The following PIGL variants were observed in gnomAD, a reference collection of about 807,000 sequenced individuals.
PIGL encodes phosphatidylinositol glycan anchor biosynthesis class L, also known as N-acetylglucosaminyl-phosphatidylinositol de-N-acetylase.
In PIGL, 22 loss-of-function variants were observed where a neutral mutation model predicts 31.1. That is an observed-to-expected ratio of 0.71 (90% confidence interval 0.51 to 1.01). The LOEUF is 1.01. PIGL is among the 50% of genes least tolerant of loss of function. The pLI is 0.00. For synonymous variants in PIGL, 131 were observed against 117.4 expected, an observed-to-expected ratio of 1.12 and a Z score of -0.75; for missense variants, 302 against 315.9, an observed-to-expected ratio of 0.96 and a Z score of 0.33.
intron 1 of PIGL, among the ~76,000 whole-genome samples, chr17:16,218,483 A>G (rs921516015): frequency 2.0e-5 from 3 of 152,174 alleles, no homozygotes; most frequent in African/African-American, 7.2e-5. Flanking sequence ...AGCCTGTTAA[A>G]TGGCTTCATC....
In PIGL at chr17:16,286,521, G is replaced by A. The variant is rs147281876; in HGVS notation, c.336-13367G>A. 4.2e-3 allele frequency among the ~76,000 whole-genome samples: 645 copies of A among 152,312 alleles called. 7 individuals carry two copies. The highest frequency in any genetic ancestry group is 0.014 in the African/African-American group (602 of 41,572). On this transcript the variant is annotated intron_variant, in intron 2 of 6. Transcript: ENST00000225609. Reference sequence around the variant, plus strand: ...GAATGTGTAGGAAAGGTCACTGTTTGAGGATATTCAGCCAGTGGGGGAAAA... The same window carrying A: ...GAATGTGTAGGAAAGGTCACTGTTTAAGGATATTCAGCCAGTGGGGGAAAA...
At chr17:16,227,577 TC>T (rs1568778407) in intron 1 of PIGL, among the ~76,000 whole-genome samples, 2 of 124,578 alleles carry the variant, frequency 1.6e-5, no homozygotes, top group African/African-American at 6.4e-5. Context: ...AATTTTCTTT[TC>T]TTTTTTTTTT....
At position 16,308,816 on chromosome 17, in the gene PIGL, C is replaced by T. The variant is rs1023524745; in HGVS notation, c.427-4731C>T. Among the ~76,000 whole-genome samples, 82 of 104,468 alleles carry T rather than the reference C, an allele frequency of 7.8e-4. 2 individuals carry two copies. Among genetic ancestry groups the T allele is most frequent in the African/African-American group, 2.9e-3 (78 of 26,630 alleles). 68.5% of individuals were successfully genotyped at this position (104,468 alleles called of 152,430 possible). A position where few individuals can be genotyped will look rare whatever the true frequency, so the allele number is the denominator to read the frequency against. On this transcript the variant is annotated intron_variant, in intron 3 of 6. Coordinates refer to ENST00000225609, the MANE Select transcript of PIGL (RefSeq NM_004278.4). The stretch of plus-strand genomic sequence containing the variant: ...GCTTTTTTTTTTTTTTTTTTCGAGA[C>T]AAGGTCTCCCTCTGTTGCCCAGGCT...
chr17:16,299,449 G>GA (rs1051338640), intron 2 of PIGL, among the ~76,000 whole-genome samples: 3 of 151,616 alleles, frequency 2.0e-5, no homozygotes, highest in Non-Finnish European at 4.4e-5. Flanking sequence ...ATCTCAAAAA[G>GA]AAAAAAACAA....
chr17:16,306,574 G>C (rs2093027490), intron 3 of PIGL, among the ~76,000 whole-genome samples: 1 of 149,676 alleles, frequency 6.7e-6, no homozygotes, highest in Non-Finnish European at 1.5e-5. Flanking sequence ...TGTTGGCCAG[G>C]ATGGAGTGCA....
At chr17:16,317,569 C>T (rs560290104) in intron 5 of PIGL, 2 of 1,362,096 alleles carry the variant, frequency 1.5e-6, no homozygotes, top group Non-Finnish European at 1.9e-6. Context: ...AGAGGGTAGC[C>T]AGCCAGGTCT....
intron 2 of PIGL, among the ~76,000 whole-genome samples, chr17:16,270,765 C>T (rs573165877): frequency 2.6e-5 from 4 of 151,758 alleles, no homozygotes; most frequent in South Asian, 4.2e-4. Flanking sequence ...GGTGTGGTGG[C>T]GGGCACCTGT....
chr17:16,230,584 C>T (rs1418200515), intron 1 of PIGL, among the ~76,000 whole-genome samples: 1 of 151,762 alleles, frequency 6.6e-6, no homozygotes, highest in Non-Finnish European at 1.5e-5. Flanking sequence ...CCATAACATA[C>T]TTCTCAGTCG....
intron 2 of PIGL, among the ~76,000 whole-genome samples, chr17:16,268,742 G>A (rs937370205): frequency 2.6e-5 from 4 of 151,912 alleles, no homozygotes; most frequent in Non-Finnish European, 2.9e-5. Flanking sequence ...GAGCCACTGC[G>A]CCTGGCGTTT....
chr17:16,236,500 G>T (rs546313736), intron 2 of PIGL, among the ~76,000 whole-genome samples: 2 of 152,164 alleles, frequency 1.3e-5, no homozygotes, highest in Non-Finnish European at 2.9e-5. Flanking sequence ...AAGAGCCTTT[G>T]TTTGTCTTAG....
At chr17:16,224,333 C>T (rs915221360) in intron 1 of PIGL, among the ~76,000 whole-genome samples, 6 of 151,662 alleles carry the variant, frequency 4.0e-5, no homozygotes, top group South Asian at 2.1e-4. Context: ...TTCCAAATAC[C>T]TTTTTTATGG....
chr17:16,279,408 G>A (rs2092908012), intron 2 of PIGL, among the ~76,000 whole-genome samples: 1 of 152,224 alleles, frequency 6.6e-6, no homozygotes, highest in South Asian at 2.1e-4. Flanking sequence ...GGCATCAAAG[G>A]ACTGTGACTT....
At chr17:16,229,858 A>ATGTTTTT (rs2092670701) in intron 1 of PIGL, among the ~76,000 whole-genome samples, 1 of 97,700 alleles carries the variant, frequency 1.0e-5, no homozygotes, top group Non-Finnish European at 1.8e-5. Context: ...TAAAGTCATG[A>ATGTTTTT]TTTTTTTTTT....
intron 3 of PIGL, among the ~76,000 whole-genome samples, chr17:16,308,730 C>T (rs1051813404): frequency 1.2e-4 from 18 of 150,878 alleles, no homozygotes; most frequent in African/African-American, 4.4e-4. Context: ...AAAAATTAGC[C>T]AGGTATGGTG....
At chr17:16,318,522 C>G (rs982489760) in intron 6 of PIGL, among the ~76,000 whole-genome samples, 1 of 151,980 alleles carries the variant, frequency 6.6e-6, no homozygotes, top group Non-Finnish European at 1.5e-5. Flanking sequence ...CCACCCACCT[C>G]GACCTCCCAA....
intron 2 of PIGL, among the ~76,000 whole-genome samples, chr17:16,277,374 G>T (rs1040056098): frequency 6.6e-6 from 1 of 152,180 alleles, no homozygotes; most frequent in Admixed American, 6.5e-5. Flanking sequence ...GAGAAATTGG[G>T]CAGAGAGAAA....
chr17:16,227,882 T>C (rs178789), intron 1 of PIGL, among the ~76,000 whole-genome samples: 63,240 of 151,736 alleles, frequency 0.42, 15,024 homozygotes, highest in Middle Eastern at 0.55. Flanking sequence ...CCCAGCCTTT[T>C]TAATTTTTTT....
At chr17:16,262,392 C>T (rs2092822831) in intron 2 of PIGL, among the ~76,000 whole-genome samples, 3 of 152,150 alleles carry the variant, frequency 2.0e-5, no homozygotes, top group African/African-American at 7.2e-5. Context: ...CCACTCACAC[C>T]TACATAAATT....
chr17:16,251,514 C>T (rs982584623), intron 2 of PIGL, among the ~76,000 whole-genome samples: 1 of 151,790 alleles, frequency 6.6e-6, no homozygotes, highest in Non-Finnish European at 1.5e-5. Context: ...TTCTGAACTT[C>T]ACTGCAAAAC....
Sources: gnomAD v4.1 joint callset for allele counts (sites outside exome capture counted in the v4.1 genomes callset) on GRCh38, gnomAD v4.1.1 for gene constraint, MANE v1.5 for transcripts, NCBI Gene and HGNC (gene_info 2026-07-23, HGNC 2026-07-21) for gene names.